ADCY2: variants seen among roughly 807,000 people sequenced by gnomAD.
ADCY2 encodes the protein adenylate cyclase type 2.
A neutral mutation model predicts 125.2 loss-of-function variants in ADCY2; 31 were observed. The ratio of observed to expected loss-of-function variants is 0.25; its 90% confidence interval spans 0.19 to 0.33. ADCY2 has a LOEUF of 0.33. ADCY2 is among the 10% of genes least tolerant of loss of function. The pLI is 1.00. For synonymous variants in ADCY2, 512 were observed against 548.4 expected, an observed-to-expected ratio of 0.93 and a Z score of 0.93; for missense variants, 904 against 1,418.2, an observed-to-expected ratio of 0.64 and a Z score of 5.82.
At chr5:7,585,291 A>G (rs1462016111) in intron 3 of ADCY2, among the ~76,000 whole-genome samples, 2 of 152,142 alleles carry the variant, frequency 1.3e-5, no homozygotes, top group African/African-American at 2.4e-5. Context: ...CTTCTGTGCC[A>G]TGCCTCTATG....
intron 14 of ADCY2, among the ~76,000 whole-genome samples, chr5:7,729,721 TA>T (rs1470269225): frequency 8.0e-5 from 12 of 150,068 alleles, no homozygotes; most frequent in Admixed American, 4.6e-4. Flanking sequence ...GAAGTATATA[TA>T]TTTTTTTCAT....
In ADCY2 at chr5:7,784,355, T is replaced by C; in HGVS notation, c.2385-10T>C. On this transcript the variant is annotated splice_polypyrimidine_tract_variant and intron_variant, in intron 18 of 24. Transcript: ENST00000338316. ...CATTGTTGTCTGTTTGTCTGTCTGT[T>C]TTTTAATAGACCAGGCATTTGGAAA... 1 of 1,610,228 alleles carries C rather than the reference T, an allele frequency of 6.2e-7. No individual in the cohort carries two copies. The highest frequency in any genetic ancestry group is 8.5e-7 in the Non-Finnish European group (1 of 1,176,736).
At position 7,396,602 on chromosome 5, in the gene ADCY2, GCCCGCGGCAGC is replaced by G. The variant is rs1739053501; in HGVS notation, c.210+100_210+110del. ...GCGTCCCGCTCCGGGCTGCCCCTCG[GCCCGCGGCAGC>G]CCCTCGGCCCGCGGCAGCCCCTCGG... is the stretch of plus-strand genomic sequence containing the variant. On this transcript the variant is annotated intron_variant, in intron 1 of 24. Coordinates refer to ENST00000338316, the MANE Select transcript of ADCY2 (RefSeq NM_020546.3). The surrounding 1 kb of genome is among the most constrained non-coding windows in gnomAD (Gnocchi z 5.7). The G allele has an allele frequency of 3.0e-6, 2 of 674,398 alleles. No homozygotes were observed. Among genetic ancestry groups the G allele is most frequent in the Non-Finnish European group, 4.0e-6 (2 of 502,728 alleles). 41.8% of individuals were successfully genotyped at this position (674,398 alleles called of 1,614,324 possible).
chr5:7,528,275 T>TG (rs1439859965), intron 3 of ADCY2, among the ~76,000 whole-genome samples: 1 of 152,226 alleles, frequency 6.6e-6, no homozygotes, highest in Non-Finnish European at 1.5e-5. Flanking sequence ...GGTAGAGTTT[T>TG]GGTAGGGCCA....
chr5:7,504,371 C>G (rs1307291006), intron 2 of ADCY2, among the ~76,000 whole-genome samples: 1 of 152,184 alleles, frequency 6.6e-6, no homozygotes, highest in Admixed American at 6.5e-5. Flanking sequence ...GAGTCTATTT[C>G]AACATCTGCC....
intron 10 of ADCY2, among the ~76,000 whole-genome samples, chr5:7,711,755 A>G (rs1741446068): frequency 6.6e-6 from 1 of 152,204 alleles, no homozygotes; most frequent in Non-Finnish European, 1.5e-5. Context: ...GACCTCTTGA[A>G]CGAACTCTAT....
intron 3 of ADCY2, among the ~76,000 whole-genome samples, chr5:7,577,400 A>C (rs1215365706): frequency 6.6e-6 from 1 of 152,238 alleles, no homozygotes; most frequent in African/African-American, 2.4e-5. Flanking sequence ...TTTACTATCC[A>C]TCAAATTTGC....
intron 3 of ADCY2, among the ~76,000 whole-genome samples, chr5:7,575,279 T>A (rs1377866815): frequency 6.6e-6 from 1 of 152,194 alleles, no homozygotes; most frequent in South Asian, 2.1e-4. Flanking sequence ...GGTGACATTA[T>A]TGGTGATTTT....
intron 13 of ADCY2, among the ~76,000 whole-genome samples, chr5:7,724,971 A>G (rs533859309): frequency 6.6e-6 from 1 of 152,320 alleles, no homozygotes; most frequent in South Asian, 2.1e-4. Context: ...TAAATCTGCA[A>G]TGTCTTTACA....
Position 7,692,787 on chromosome 5 carries a change from C to G in ADCY2, c.869+1948C>G, listed in dbSNP as rs1740747042. On this transcript the variant is annotated intron_variant, in intron 5 of 24. Transcript: ENST00000338316. ...TTCTGACAATCTGTTTTGTTCTTTT[C>G]TTTTCCATAAATCAAGTCTCTCCCG... Among the ~76,000 whole-genome samples the G allele has an allele frequency of 2.0e-5, 3 of 152,132 alleles. No individual in the cohort carries two copies. The South Asian group carries it at 6.2e-4, about 32-fold the overall frequency.
chr5:7,431,024 C>T (rs772397127), intron 2 of ADCY2, among the ~76,000 whole-genome samples: 12 of 152,104 alleles, frequency 7.9e-5, no homozygotes, highest in African/African-American at 9.7e-5. Flanking sequence ...ATTGAAGTCC[C>T]AGCAAGCTTT....
chr5:7,583,116 A>G (rs1047918472), intron 3 of ADCY2, among the ~76,000 whole-genome samples: 27 of 152,214 alleles, frequency 1.8e-4, no homozygotes, highest in Middle Eastern at 6.8e-3. Flanking sequence ...AAAAATTATA[A>G]TATCTAATAA....
intron 20 of ADCY2, among the ~76,000 whole-genome samples, chr5:7,792,622 T>C (rs532052570): frequency 6.6e-6 from 1 of 152,294 alleles, no homozygotes; most frequent in Admixed American, 6.5e-5. Context: ...AGGTTCTCTC[T>C]GCTCTTTCCT....
intron 2 of ADCY2, among the ~76,000 whole-genome samples, chr5:7,483,203 G>A (rs1179769884): frequency 9.2e-5 from 14 of 152,068 alleles, no homozygotes; most frequent in Admixed American, 9.2e-4. Flanking sequence ...AAATGTTTGA[G>A]GTAATAGATA....
intron 2 of ADCY2, among the ~76,000 whole-genome samples, chr5:7,419,447 G>A (rs1740102146): frequency 6.6e-6 from 1 of 152,298 alleles, no homozygotes; most frequent in Middle Eastern, 3.4e-3. Flanking sequence ...AATGGCCAAA[G>A]AGAATTATCT....
At position 7,826,904 on chromosome 5, in the gene ADCY2, T is replaced by C; in HGVS notation, c.*33T>C. ...CCTTCATTTTGGCAAGAAGACTGTA[T>C]TTTCAGGAAGGTATCACACACTTTC... On this transcript the variant is annotated 3_prime_UTR_variant, in exon 25 of 25. Transcript: ENST00000338316. 1 of 1,573,524 alleles carries C rather than the reference T, an allele frequency of 6.4e-7. No homozygotes were observed. The highest frequency in any genetic ancestry group is 2.2e-5 in the East Asian group (1 of 44,716).
At position 7,690,793 on chromosome 5, in the gene ADCY2, A is replaced by G. The variant is rs1740678535; in HGVS notation, c.823A>G (p.Thr275Ala). The change falls in exon 5 of 25, where the codon ACA becomes GCA. Residue 275 changes from threonine (T) to alanine (A), a missense_variant. By Grantham distance (58) the Thr-to-Ala change is moderately conservative. Coordinates refer to ENST00000338316, the MANE Select transcript of ADCY2 (RefSeq NM_020546.3). Reference protein sequence around the residue: ...QGPKAGQMENTNNFHNLYVKR... With the variant: ...QGPKAGQMENANNFHNLYVKR... ...CCCCAAGGCGGGCCAGATGGAGAACACAAATAACTTCCACAACCTGTATGT... is the reference window on the plus strand; with the variant it reads ...CCCCAAGGCGGGCCAGATGGAGAACGCAAATAACTTCCACAACCTGTATGT... 6.2e-7 allele frequency: 1 copy of G among 1,608,950 alleles called. No individual in the cohort carries two copies. Among genetic ancestry groups the G allele is most frequent in the Non-Finnish European group, 8.5e-7 (1 of 1,178,152 alleles).
chr5:7,586,987 T>C lies in ADCY2; in HGVS notation c.571-39180T>C, dbSNP rs377186197. 3.7e-4 allele frequency among the ~76,000 whole-genome samples: 56 copies of C among 152,276 alleles called. 1 individual carries two copies. Among genetic ancestry groups the C allele is most frequent in the African/African-American group, 1.2e-3 (50 of 41,566 alleles). On this transcript the variant is annotated intron_variant, in intron 3 of 24. Transcript: ENST00000338316. ...ATTTTCACACAGGTATATAGATAGA[T>C]AGATAGACAAAGACATAGATATAGG...
At chr5:7,667,778 AT>A (rs1310926300) in intron 4 of ADCY2, among the ~76,000 whole-genome samples, 1 of 152,228 alleles carries the variant, frequency 6.6e-6, no homozygotes, top group Non-Finnish European at 1.5e-5. Flanking sequence ...AGCAATGCTT[AT>A]TTAACCTCCC....
Sources: allele counts gnomAD v4.1 joint callset (sites outside exome capture counted in the v4.1 genomes callset), GRCh38; gene constraint gnomAD v4.1.1; non-coding constraint Gnocchi (gnomAD v3.1); transcripts MANE v1.5; gene names NCBI Gene and HGNC (gene_info 2026-07-23, HGNC 2026-07-21).